The following PMEL variants were observed in gnomAD, a reference collection of about 807,000 sequenced individuals.
PMEL encodes the protein melanocyte protein PMEL.
PMEL carries 53 observed loss-of-function variants against 64.9 expected under a neutral mutation model. The observed-to-expected ratio is 0.82, with a 90% CI of 0.66 to 1.03. The LOEUF (loss-of-function observed/expected upper bound fraction) is 1.03, where lower values mean the gene tolerates loss of function less well. Ranked by LOEUF, PMEL falls within the 50% of genes least tolerant of loss-of-function variation. PMEL has a pLI of 0.00. For missense variants in PMEL, 716 were observed against 814.9 expected, an observed-to-expected ratio of 0.88 and a Z score of 1.48; for synonymous variants, 299 against 316.2, an observed-to-expected ratio of 0.95 and a Z score of 0.58.
At chr12:55,964,070 A>G (rs1889199058) in intron 1 of PMEL, among the ~76,000 whole-genome samples, 1 of 151,864 alleles carries the variant, frequency 6.6e-6, no homozygotes, top group Non-Finnish European at 1.5e-5. Context: ...TGCAGCCTCA[A>G]ACTCCTAGGC....
intron 1 of PMEL, among the ~76,000 whole-genome samples, chr12:55,962,561 C>T (rs1485422509): frequency 2.4e-5 from 3 of 123,824 alleles, no homozygotes; most frequent in Admixed American, 1.9e-4. Flanking sequence ...TCTCGCTCTG[C>T]CCCCTAGGCT....
rs1349729216 is a variant in PMEL, at chr12:55,957,618, T to G, written c.685A>C (p.Asn229His). 6.2e-7 allele frequency: 1 copy of G among 1,613,064 alleles called. No homozygotes were observed. Among genetic ancestry groups the G allele is most frequent in the East Asian group, 2.2e-5 (1 of 44,840 alleles). The change falls in exon 6 of 11, where the codon AAC (asparagine) becomes CAC (histidine). Residue 229 changes from asparagine to histidine, a missense_variant. Physicochemically the swap from Asn to His is moderately conservative, Grantham distance 68. Transcript: ENST00000548747. ...GGCTGATTTCTCAGGAAGTGCTTGT[T>G]CCCTCCATCCAAGGCCCGCAACTGG... ...VSQLRALDGGNKHFLRNQPLT... is the reference protein window; with the variant it reads ...VSQLRALDGGHKHFLRNQPLT...
intron 1 of PMEL, among the ~76,000 whole-genome samples, chr12:55,965,223 G>A (rs776201892): frequency 5.3e-5 from 8 of 152,130 alleles, no homozygotes; most frequent in Non-Finnish European, 1.0e-4. Context: ...CACGGCGCCC[G>A]GCCTCATTCC....
chr12:55,964,222 AC>A (rs1889204927), intron 1 of PMEL, among the ~76,000 whole-genome samples: 1 of 147,832 alleles, frequency 6.8e-6, no homozygotes, highest in African/African-American at 2.5e-5. Context: ...GTACAATGGC[AC>A]GATCTCAGCT....
rs764071861 is a variant in PMEL, at chr12:55,955,702, T to C, written c.1557-33A>G. The stretch of plus-strand genomic sequence containing the variant: ...AAGTGTCAGCATATATAAGGGGATC[T>C]GGGAAGGGACACTAAATGCCAGAGA... On this transcript the variant is annotated intron_variant, in intron 8 of 10. Transcript: ENST00000548747. The C allele has an allele frequency of 3.7e-6, 6 of 1,611,140 alleles. No individual in the cohort carries two copies. In the African/African-American group the frequency reaches 8.0e-5, roughly 22 times the overall value.
In PMEL at chr12:55,958,127, G is replaced by A. The variant is rs767055725; in HGVS notation, c.470-43C>T. ...AAAAGCAAGGAAGAAGAGATTACTG[G>A]TCAAAGGGGACTGAGGGACAGGCTT... is the stretch of plus-strand genomic sequence containing the variant. On this transcript the variant is annotated intron_variant, in intron 4 of 10. Transcript: ENST00000548747. The A allele has an allele frequency of 4.4e-6, 7 of 1,602,992 alleles. No homozygotes were observed. In the African/African-American group the frequency reaches 6.7e-5, roughly 15 times the overall value.
intron 1 of PMEL, among the ~76,000 whole-genome samples, chr12:55,965,301 T>A (rs12309895): frequency 0.075 from 11,335 of 152,084 alleles, 485 homozygotes; most frequent in Middle Eastern, 0.11. Flanking sequence ...CTATTGAGCA[T>A]CCCACCACTA....
In PMEL at chr12:55,958,523, G is replaced by A; in HGVS notation, c.419C>T (p.Ser140Phe). ...CIFPDGGPCP[S>F]GSWSQKRSFV... ...GCTTCTCTTCTGAGACCAAGAGCCA[G>A]ATGGGCAAGGTCCACCATCAGGGAA... The change falls in exon 4 of 11, where the codon TCT becomes TTT. Residue 140 changes from serine (S) to phenylalanine (F), a missense_variant. Ser to Phe is a radical substitution (Grantham distance 155). Transcript: ENST00000548747. 6.2e-7 allele frequency: 1 copy of A among 1,614,156 alleles called. No individual in the cohort carries two copies. The highest frequency in any genetic ancestry group is 8.5e-7 in the Non-Finnish European group (1 of 1,180,002).
rs772711276 is a variant in PMEL at position 55,965,934 on chromosome 12, ACCTTTTGTAGCCC to A, written c.65_76+1del. 1 of 1,614,088 alleles carries A rather than the reference ACCTTTTGTAGCCC, an allele frequency of 6.2e-7. No homozygotes were observed. Among genetic ancestry groups the A allele is most frequent in the Non-Finnish European group, 8.5e-7 (1 of 1,180,004 alleles). On this transcript the variant is annotated splice_donor_variant and coding_sequence_variant, in exon 1 of 11. Transcript: ENST00000548747. LOFTEE classifies it high-confidence loss of function. The stretch of plus-strand genomic sequence containing the variant: ...TGCTCATGTCCACATATCCACACAT[ACCTTTTGTAGCCC>A]CCACAGCCAGCAAAGCACCTATCAC...
In PMEL at chr12:55,955,541, G is replaced by A. The variant is rs148206928; in HGVS notation, c.1685C>T (p.Ser562Leu). Residue 562 changes from serine (S) to leucine (L), a missense_variant, in exon 9 of 11, where the codon TCG (serine) becomes TTG (leucine). By Grantham distance (145) the Ser-to-Leu change is moderately radical. Transcript: ENST00000548747. ...AGACACATTGAGGCAGTATGTCCCCGAGCCACCCTTCAGTATCTGGTGCAG... is the reference window on the plus strand; with the variant it reads ...AGACACATTGAGGCAGTATGTCCCCAAGCCACCCTTCAGTATCTGGTGCAG... ...LVLHQILKGG[S>L]GTYCLNVSLA... 288 of 1,614,096 alleles carry A rather than the reference G, an allele frequency of 1.8e-4. 1 individual carries two copies. The African/African-American group carries it at 3.4e-3, about 19-fold the overall frequency.
Position 55,963,725 on chromosome 12 carries a change from C to T in PMEL, c.77-1993G>A, listed in dbSNP as rs375318284. ...AAAAAGACTTGAAACTGCAGCACAG[C>T]GAGGAAAGTCACATCAAGGAGAACT... On this transcript the variant is annotated intron_variant, in intron 1 of 10. Coordinates refer to ENST00000548747, the MANE Select transcript of PMEL (RefSeq NM_001384361.1). Among the ~76,000 whole-genome samples, 9 of 152,096 alleles carry T rather than the reference C, an allele frequency of 5.9e-5. No homozygotes were observed. In the South Asian group the frequency reaches 1.7e-3, roughly 28 times the overall value.
chr12:55,957,208 C>A lies in PMEL; in HGVS notation c.1095G>T (p.Gln365His). 2 of 1,614,206 alleles carry A rather than the reference C, an allele frequency of 1.2e-6. No individual in the cohort carries two copies. The highest frequency in any genetic ancestry group is 1.6e-4 in the Middle Eastern group (1 of 6,062). ...TACCTGTGCTCTCTGCAGTTGGCAT[C>A]TGCACAGGTGCAGTGCTTATGACTT... Reference protein sequence around the residue: ...TTEVISTAPVQMPTAESTGMT... With the variant: ...TTEVISTAPVHMPTAESTGMT... Residue 365 changes from glutamine (Q) to histidine (H), a missense_variant, in exon 6 of 11, where the codon CAG becomes CAT. Gln to His is a conservative substitution (Grantham distance 24). Coordinates refer to ENST00000548747, the MANE Select transcript of PMEL (RefSeq NM_001384361.1).
In PMEL at chr12:55,955,664, G is replaced by T. The variant is rs1396002109; in HGVS notation, c.1562C>A (p.Pro521His). Residue 521 changes from proline (P) to histidine (H), a missense_variant, in exon 9 of 11, where the codon CCC (proline) becomes CAC (histidine). Physicochemically the swap from Pro to His is moderately conservative, Grantham distance 77. Transcript: ENST00000548747. ...ELTVSCQGGLPKEACMEISSP... is the reference protein window; with the variant it reads ...ELTVSCQGGLHKEACMEISSP... ...TGAGATCTCCATGCAGGCTTCCTTG[G>T]GCAGCCTGGAAGAAGTGTCAGCATA... 2 of 1,612,516 alleles carry T rather than the reference G, an allele frequency of 1.2e-6. No homozygotes were observed. The highest frequency in any genetic ancestry group is 2.2e-5 in the East Asian group (1 of 44,840).
chr12:55,964,253 C>T (rs989106635), intron 1 of PMEL, among the ~76,000 whole-genome samples: 6 of 151,842 alleles, frequency 4.0e-5, no homozygotes, highest in African/African-American at 7.3e-5. Context: ...CTCCGCCTCC[C>T]GGGTTCAAGC....
intron 3 of PMEL, among the ~76,000 whole-genome samples, chr12:55,960,537 G>GTTTTT (rs760692409): frequency 1.0e-4 from 10 of 97,294 alleles, no homozygotes; most frequent in South Asian, 3.7e-4. Flanking sequence ...TTTGCTTTCT[G>GTTTTT]TTTTTTTTTT....
intron 3 of PMEL, 96 bp downstream of exon 3, chr12:55,961,221 A>C: frequency 8.1e-7 from 1 of 1,230,338 alleles, no homozygotes; most frequent in Non-Finnish European, 1.2e-6. Flanking sequence ...GAAAAAAAAA[A>C]AAAAGTAGAG....
rs765083828 is a variant in PMEL, at chr12:55,957,683, G to A, written c.632-12C>T. 5.6e-6 allele frequency: 9 copies of A among 1,601,630 alleles called. No homozygotes were observed. The highest frequency in any genetic ancestry group is 7.7e-6 in the Non-Finnish European group (9 of 1,173,554). On this transcript the variant is annotated splice_polypyrimidine_tract_variant and intron_variant, in intron 5 of 10. Coordinates refer to ENST00000548747, the MANE Select transcript of PMEL (RefSeq NM_001384361.1). ...GAAAGGCACCTGGTCTGGGATTGGA[G>A]CCAGAAAAGGTGAGAACCAGGCCTG...
intron 10 of PMEL, 139 bp downstream of exon 10, chr12:55,955,135 C>T (rs1395129504): frequency 2.7e-6 from 2 of 742,532 alleles, no homozygotes; most frequent in Non-Finnish European, 4.9e-6. Context: ...CAACCCAAGT[C>T]TGTCTAACTT....
rs1391130476 is a variant in PMEL at position 55,965,978 on chromosome 12, A to C, written c.34T>G (p.Leu12Val). The change falls in exon 1 of 11, where the codon TTG becomes GTG. Residue 12 changes from leucine to valine, a missense_variant. By Grantham distance (32) the Leu-to-Val change is conservative (BLOSUM62 1). Coordinates refer to ENST00000548747, the MANE Select transcript of PMEL (RefSeq NM_001384361.1). The stretch of plus-strand genomic sequence containing the variant: ...GCCAGCAAAGCACCTATCACAGCCA[A>C]ATGAAGAAGGCATCTTTTTAGCACC... The part of the protein sequence containing the change: ...DLVLKRCLLH[L>V]AVIGALLAVG... The C allele has an allele frequency of 3.1e-6, 5 of 1,614,184 alleles. No homozygotes were observed.
Sources: allele counts gnomAD v4.1 joint callset (sites outside exome capture counted in the v4.1 genomes callset), GRCh38; gene constraint gnomAD v4.1.1; transcripts MANE v1.5; gene names NCBI Gene and HGNC (gene_info 2026-07-23, HGNC 2026-07-21).